The following CD22 variants were observed in gnomAD, a reference collection of about 807,000 sequenced individuals.
The protein encoded by CD22 is CD22 molecule.
In CD22, 51 loss-of-function variants were observed where a neutral mutation model predicts 94.7. The observed-to-expected ratio is 0.54, with a 90% CI of 0.43 to 0.68. CD22 has a LOEUF of 0.68. Ranked by LOEUF, CD22 falls within the 30% of genes least tolerant of loss-of-function variation. The probability of loss-of-function intolerance (pLI) is 0.00; values close to 1 mark genes in which losing one functional copy is unlikely to be tolerated. For synonymous variants in CD22, 424 were observed against 422.5 expected, an observed-to-expected ratio of 1.00 and a Z score of -0.04; for missense variants, 931 against 1,060.4, an observed-to-expected ratio of 0.88 and a Z score of 1.69.
At chr19:35,334,282 G>T (rs2066686855) in intron 3 of CD22, among the ~76,000 whole-genome samples, 1 of 152,210 alleles carries the variant, frequency 6.6e-6, no homozygotes, top group Non-Finnish European at 1.5e-5. Flanking sequence ...TATCTTGCAG[G>T]CAGCTGCCAG....
chr19:35,344,381 G>A (rs1335274830), intron 9 of CD22, among the ~76,000 whole-genome samples: 1 of 152,208 alleles, frequency 6.6e-6, no homozygotes, highest in Non-Finnish European at 1.5e-5. Context: ...TGGAGTCCTC[G>A]CGTATGAAGG....
intron 1 of CD22, among the ~76,000 whole-genome samples, chr19:35,331,287 C>G (rs2066641492): frequency 6.6e-6 from 1 of 152,110 alleles, no homozygotes; most frequent in South Asian, 2.1e-4. Flanking sequence ...AAGTTTTGAC[C>G]ATGTCTGTCC....
rs771698526 is a variant in CD22, at chr19:35,338,175, G to A, written c.993G>A (p.Pro331=). The change falls in exon 6 of 14, where the codon CCG becomes CCA. Residue 331 remains proline (P), a synonymous_variant. Coordinates refer to ENST00000085219, the MANE Select transcript of CD22 (RefSeq NM_001771.4). ...CTCTGCCCCCTCTTCCAGATGCCCCGGAACCTTCCACGGTTCAGATCCTCC... is the reference window on the plus strand; with the variant it reads ...CTCTGCCCCCTCTTCCAGATGCCCCAGAACCTTCCACGGTTCAGATCCTCC... ...EEVFLQVQYA[P]EPSTVQILHS... 20 of 1,610,552 alleles carry A rather than the reference G, an allele frequency of 1.2e-5. No individual in the cohort carries two copies. Among genetic ancestry groups the A allele is most frequent in the East Asian group, 4.5e-5 (2 of 44,838 alleles).
At chr19:35,333,091 G>A in intron 3 of CD22, 167 bp downstream of exon 3, 1 of 634,864 alleles carries the variant, frequency 1.6e-6, no homozygotes, top group Non-Finnish European at 2.6e-6. Flanking sequence ...AGAGCTGCGG[G>A]ACCTCGGATG....
At chr19:35,343,186 C>A (rs908905288) in intron 9 of CD22, among the ~76,000 whole-genome samples, 1 of 151,654 alleles carries the variant, frequency 6.6e-6, no homozygotes, top group African/African-American at 2.4e-5. Context: ...GCAGCCTCGA[C>A]CCCCTAGGCT....
At position 35,332,855 on chromosome 19, in the gene CD22, G is replaced by A; in HGVS notation, c.343G>A (p.Gly115Ser). 6.2e-7 allele frequency: 1 copy of A among 1,614,176 alleles called. No homozygotes were observed. The highest frequency in any genetic ancestry group is 1.1e-5 in the South Asian group (1 of 91,082). ...SIHPVHLNDS[G>S]QLGLRMESKT... ...CCACCCGGTGCACCTCAATGACAGTGGTCAGCTGGGGCTGAGGATGGAGTC... is the reference window on the plus strand; with the variant it reads ...CCACCCGGTGCACCTCAATGACAGTAGTCAGCTGGGGCTGAGGATGGAGTC... Residue 115 changes from glycine (G) to serine (S), a missense_variant, in exon 3 of 14, where the codon GGT (glycine) becomes AGT (serine). Gly to Ser is a moderately conservative substitution (Grantham distance 56). Transcript: ENST00000085219.
At position 35,338,287 on chromosome 19, in the gene CD22, A is replaced by G. The variant is rs750573537; in HGVS notation, c.1105A>G (p.Asn369Asp). Residue 369 changes from asparagine (N) to aspartate (D), a missense_variant, in exon 6 of 14, where the codon AAT (asparagine) becomes GAT (aspartate). Physicochemically the swap from Asn to Asp is conservative, Grantham distance 23. Transcript: ENST00000085219. ...PLPTNYTWYHNGKEMQGRTEE... is the reference protein window; with the variant it reads ...PLPTNYTWYHDGKEMQGRTEE... ...TCCAACAAATTACACGTGGTACCAC[A>G]ATGGGAAAGAAATGCAGGGAAGGAC... is the stretch of plus-strand genomic sequence containing the variant. 1.2e-6 allele frequency: 2 copies of G among 1,614,242 alleles called. No homozygotes were observed. The highest frequency in any genetic ancestry group is 1.7e-6 in the Non-Finnish European group (2 of 1,180,052).
chr19:35,338,787 G>A lies in CD22; in HGVS notation c.1249+356G>A, dbSNP rs1230933571. On this transcript the variant is annotated intron_variant, in intron 6 of 13. Transcript: ENST00000085219. ...TGGGATGACAGGCGCCCGCCACCACGCCCGGCTAATTATTTGTACTTTTAG... is the reference window on the plus strand; with the variant it reads ...TGGGATGACAGGCGCCCGCCACCACACCCGGCTAATTATTTGTACTTTTAG... 2.6e-5 allele frequency among the ~76,000 whole-genome samples: 4 copies of A among 152,080 alleles called. No homozygotes were observed. The East Asian group carries it at 5.9e-4, about 22-fold the overall frequency.
chr19:35,330,093 G>A (rs1325191805), intron 1 of CD22, among the ~76,000 whole-genome samples: 2 of 152,222 alleles, frequency 1.3e-5, no homozygotes, highest in South Asian at 2.1e-4. Flanking sequence ...GGGAGGCCAA[G>A]TTGGGGGGAT....
chr19:35,332,119 G>A (rs777464922), intron 2 of CD22, 45 bp downstream of exon 2: 2 of 1,612,880 alleles, frequency 1.2e-6, no homozygotes, highest in South Asian at 2.2e-5. Flanking sequence ...TGGGATGTCA[G>A]TGGGCACTGG....
Position 35,340,862 on chromosome 19 carries a change from C to G in CD22, c.1250-19C>G, listed in dbSNP as rs765231505. 3.7e-6 allele frequency: 6 copies of G among 1,613,822 alleles called. No individual in the cohort carries two copies. The highest frequency in any genetic ancestry group is 1.1e-5 in the South Asian group (1 of 91,004). ...GGACAGCTGGCTTTTCTTTACTCACCTCTCTGGTTTTCTTCCAGATCCTCC... is the reference window on the plus strand; with the variant it reads ...GGACAGCTGGCTTTTCTTTACTCACGTCTCTGGTTTTCTTCCAGATCCTCC... On this transcript the variant is annotated intron_variant, in intron 6 of 13. Transcript: ENST00000085219.
Position 35,332,667 on chromosome 19 carries a change from A to C in CD22, c.155A>C (p.Asp52Ala), listed in dbSNP as rs572709470. ...TGCACCTACAGAGCCCTAGATGGTG[A>C]CCTGGAAAGCTTCATCCTGTTCCAC... ...IPCTYRALDG[D>A]LESFILFHNP... Residue 52 changes from aspartate (D) to alanine (A), a missense_variant, in exon 3 of 14, where the codon GAC becomes GCC. Physicochemically the swap from Asp to Ala is moderately radical, Grantham distance 126. Transcript: ENST00000085219. The C allele has an allele frequency of 2.5e-6, 4 of 1,614,074 alleles. No individual in the cohort carries two copies. The highest frequency in any genetic ancestry group is 1.1e-5 in the South Asian group (1 of 91,068).
Position 35,341,458 on chromosome 19 carries a change from C to T in CD22, c.1623C>T (p.Phe541=), listed in dbSNP as rs1301765152. The T allele has an allele frequency of 2.5e-6, 4 of 1,613,996 alleles. No homozygotes were observed. Among genetic ancestry groups the T allele is most frequent in the African/African-American group, 1.3e-5 (1 of 74,900 alleles). ...GCAGCCACCCCAAAGAAGTCCAGTT[C>T]TTCTGGGAGAAAAATGGCAGGCTTC... ...FSSSHPKEVQ[F]FWEKNGRLLG... is the part of the protein sequence containing the mutation. Residue 541 remains phenylalanine, a synonymous_variant, in exon 8 of 14, where the codon TTC becomes TTT. Coordinates refer to ENST00000085219, the MANE Select transcript of CD22 (RefSeq NM_001771.4). This position sits in a 1 kb window ranked among gnomAD's most constrained non-coding sequence, Gnocchi z 4.0.
intron 3 of CD22, among the ~76,000 whole-genome samples, chr19:35,334,310 T>C (rs1266602926): frequency 6.6e-6 from 1 of 152,124 alleles, no homozygotes; most frequent in Admixed American, 6.6e-5. Context: ...GGATGTAAGT[T>C]AAACAATTAT....
At chr19:35,338,493 C>T in intron 6 of CD22, 62 bp downstream of exon 6, 1 of 1,546,596 alleles carries the variant, frequency 6.5e-7, no homozygotes, top group Non-Finnish European at 8.8e-7. Context: ...ACGGGGAAGG[C>T]AGATGGGGTG....
chr19:35,336,495 G>C, intron 4 of CD22, 154 bp downstream of exon 4: 1 of 657,668 alleles, frequency 1.5e-6, no homozygotes, highest in Non-Finnish European at 2.6e-6. Flanking sequence ...CTGGTGTTTC[G>C]GGAAAAAGAT....
At chr19:35,344,731 G>A (rs2066874585) in intron 9 of CD22, 98 bp from the exon 10 acceptor site, 1 of 848,380 alleles carries the variant, frequency 1.2e-6, no homozygotes, top group South Asian at 1.6e-5. Flanking sequence ...AGAAGGACGA[G>A]TCTGGCTGCA....
chr19:35,341,056 T>C lies in CD22; in HGVS notation c.1425T>C (p.Val475=). 1 of 1,614,156 alleles carries C rather than the reference T, an allele frequency of 6.2e-7. No homozygotes were observed. Among genetic ancestry groups the C allele is most frequent in the Non-Finnish European group, 8.5e-7 (1 of 1,180,020 alleles). ...TTGGGGTGCTGAAGATCCAAAACGT[T>C]GGCTGGGACAACACAACCATCGCCT... ...PSLGVLKIQN[V]GWDNTTIACA... The change falls in exon 7 of 14, where the codon GTT becomes GTC. Residue 475 remains valine (V), a synonymous_variant. Transcript: ENST00000085219. This position sits in a 1 kb window ranked among gnomAD's most constrained non-coding sequence, Gnocchi z 4.0.
Position 35,341,038 on chromosome 19 carries a change from G to A in CD22, c.1407G>A (p.Val469=). 8 of 1,614,240 alleles carry A rather than the reference G, an allele frequency of 5.0e-6. No individual in the cohort carries two copies. Among genetic ancestry groups the A allele is most frequent in the Non-Finnish European group, 6.8e-6 (8 of 1,180,042 alleles). ...HGAWEEPSLG[V]LKIQNVGWDN... ...CCTGGGAGGAGCCATCGCTTGGGGT[G>A]CTGAAGATCCAAAACGTTGGCTGGG... The change falls in exon 7 of 14, where the codon GTG becomes GTA. Residue 469 remains valine (V), a synonymous_variant. Transcript: ENST00000085219. The surrounding 1 kb of genome is among the most constrained non-coding windows in gnomAD (Gnocchi z 4.0).
Sources: allele counts gnomAD v4.1 joint callset (sites outside exome capture counted in the v4.1 genomes callset), GRCh38; gene constraint gnomAD v4.1.1; non-coding constraint Gnocchi (gnomAD v3.1); transcripts MANE v1.5; gene names NCBI Gene and HGNC (gene_info 2026-07-23, HGNC 2026-07-21).